The following PDE3B variants were observed in gnomAD, a reference collection of about 807,000 sequenced individuals.
The protein encoded by PDE3B is phosphodiesterase 3B.
PDE3B carries 66 observed loss-of-function variants against 116.8 expected under a neutral mutation model. The observed-to-expected ratio is 0.56, with a 90% CI of 0.46 to 0.69. The LOEUF is 0.69. Among genes scored for constraint, PDE3B ranks in the 30% least tolerant of loss-of-function variants. The pLI is 0.00. For missense variants in PDE3B, 1,384 were observed against 1,368.1 expected (o/e 1.01, Z -0.18); for synonymous variants, 595 against 533.6 (o/e 1.12, Z -1.59).
chr11:14,897,322 C>T, the PDE3B span, among the ~76,000 whole-genome samples: 1 of 152,170 alleles, frequency 6.6e-6, no homozygotes, highest in African/African-American at 2.4e-5. Context: ...AAGGAGGCCT[C>T]CTAGCCCTGG....
intron 1 of PDE3B, among the ~76,000 whole-genome samples, chr11:14,667,744 C>T (rs1382999943): frequency 1.3e-5 from 2 of 151,464 alleles, no homozygotes; most frequent in African/African-American, 4.8e-5. Flanking sequence ...TGCTAAATGA[C>T]AAGTTAATGG....
At chr11:14,746,564 G>A (rs1449505999) in intron 1 of PDE3B, among the ~76,000 whole-genome samples, 1 of 152,102 alleles carries the variant, frequency 6.6e-6, no homozygotes, top group Non-Finnish European at 1.5e-5. Flanking sequence ...CTAGTTACTA[G>A]ACTAGGATGT....
rs183523533 is a variant in PDE3B, at chr11:14,736,759, G to T, written c.979-35178G>T. 2.6e-3 allele frequency among the ~76,000 whole-genome samples: 390 copies of T among 152,300 alleles called. 1 individual carries two copies. Among genetic ancestry groups the T allele is most frequent in the African/African-American group, 8.1e-3 (338 of 41,560 alleles). ...ATACATGCCATTCTGATTTTCAGAA[G>T]GGAGAAATGAAGGTTCCACAAACAA... On this transcript the variant is annotated intron_variant, in intron 1 of 15. Coordinates refer to ENST00000282096, the MANE Select transcript of PDE3B (RefSeq NM_000922.4).
chr11:14,860,922 C>T lies in PDE3B; in HGVS notation c.2725-283C>T, dbSNP rs12290200. 0.012 allele frequency among the ~76,000 whole-genome samples: 516 copies of T among 41,866 alleles called. 4 individuals carry two copies. The Middle Eastern group carries it at 0.12, about 10-fold the overall frequency. 27.5% of individuals were successfully genotyped at this position (41,866 alleles called of 152,430 possible). ...TAATAAATACATATATATATATATACACACACACACACACATATAATTCAT... is the reference window on the plus strand; with the variant it reads ...TAATAAATACATATATATATATATATACACACACACACACATATAATTCAT... On this transcript the variant is annotated intron_variant, in intron 13 of 15. Transcript: ENST00000282096.
At chr11:14,675,445 G>A (rs981614752) in intron 1 of PDE3B, among the ~76,000 whole-genome samples, 3 of 151,846 alleles carry the variant, frequency 2.0e-5, no homozygotes, top group Non-Finnish European at 4.4e-5. Flanking sequence ...TTGAAGTTTT[G>A]ATGGTTATAT....
At chr11:14,872,217 G>A (rs538064669), downstream of PDE3B, among the ~76,000 whole-genome samples, 2 of 152,242 alleles carry the variant, frequency 1.3e-5, no homozygotes, top group African/African-American at 4.8e-5. Flanking sequence ...TCACAAAAGA[G>A]ATGAATAGAT....
chr11:14,818,100 C>T (rs1859388282), intron 5 of PDE3B, 83 bp from the exon 6 acceptor site: 2 of 919,242 alleles, frequency 2.2e-6, no homozygotes, highest in Non-Finnish European at 3.2e-6. Flanking sequence ...GGAAAAAATC[C>T]ATAAAAACAC....
At chr11:14,741,969 T>C (rs1451618741) in intron 1 of PDE3B, among the ~76,000 whole-genome samples, 2 of 152,170 alleles carry the variant, frequency 1.3e-5, no homozygotes, top group African/African-American at 4.8e-5. Context: ...GCTGTTAGTC[T>C]GATGGGCTTC....
chr11:14,814,076 TA>T (rs1859240512), intron 5 of PDE3B, among the ~76,000 whole-genome samples: 3 of 152,256 alleles, frequency 2.0e-5, no homozygotes, highest in South Asian at 2.1e-4. Context: ...ATAATTATGA[TA>T]AAAAATTATA....
At chr11:14,810,886 T>A (rs1477537948) in intron 5 of PDE3B, among the ~76,000 whole-genome samples, 8 of 147,526 alleles carry the variant, frequency 5.4e-5, no homozygotes, top group Non-Finnish European at 1.2e-4. Context: ...GGTATCTCAT[T>A]GTGGTTTTGA....
At chr11:14,833,462 C>T (rs1859961393) in intron 10 of PDE3B, among the ~76,000 whole-genome samples, 1 of 152,064 alleles carries the variant, frequency 6.6e-6, no homozygotes, top group Non-Finnish European at 1.5e-5. Flanking sequence ...ATACAGTATA[C>T]ATCTTTCTAT....
rs1854320027 is a variant in PDE3B, at chr11:14,670,091, A to T, written c.978+25038A>T. ...GCATAGTTATCTGGGTGATTTACACATAGCGGCTTAGTGCAAATAGTACAA... is the reference window on the plus strand; with the variant it reads ...GCATAGTTATCTGGGTGATTTACACTTAGCGGCTTAGTGCAAATAGTACAA... On this transcript the variant is annotated intron_variant, in intron 1 of 15. Transcript: ENST00000282096. Among the ~76,000 whole-genome samples, 3 of 152,152 alleles carry T rather than the reference A, an allele frequency of 2.0e-5. No individual in the cohort carries two copies. The South Asian group carries it at 6.2e-4, about 31-fold the overall frequency.
Position 14,869,662 on chromosome 11 carries a change from G to T in PDE3B, c.*2G>T. ...GAAGAGGCAGATGAAGAGGAATAGC[G>T]ACAGTTTGAGTAAAAGAAAAGTCAT... is the stretch of plus-strand genomic sequence containing the variant. On this transcript the variant is annotated 3_prime_UTR_variant, in exon 16 of 16. Transcript: ENST00000282096. 1 of 1,611,854 alleles carries T rather than the reference G, an allele frequency of 6.2e-7. No homozygotes were observed. The highest frequency in any genetic ancestry group is 1.1e-5 in the South Asian group (1 of 90,916).
intron 4 of PDE3B, among the ~76,000 whole-genome samples, chr11:14,797,897 C>T (rs1225526785): frequency 6.6e-6 from 1 of 152,166 alleles, no homozygotes; most frequent in Non-Finnish European, 1.5e-5. Flanking sequence ...TTGACTTCCT[C>T]TCCTCCTAAT....
intron 2 of PDE3B, among the ~76,000 whole-genome samples, chr11:14,785,415 C>T (rs1371827033): frequency 6.6e-6 from 1 of 151,998 alleles, no homozygotes; most frequent in African/African-American, 2.4e-5. Context: ...CATTATTTAG[C>T]TAGCTTGGTG....
At chr11:14,713,880 T>A (rs1296732454) in intron 1 of PDE3B, among the ~76,000 whole-genome samples, 1 of 152,136 alleles carries the variant, frequency 6.6e-6, no homozygotes, top group Admixed American at 6.5e-5. Context: ...AGAAAAACAC[T>A]ACAGGCAGAG....
At chr11:14,688,113 T>TCTCTCTCTCTCTC (rs1854931993) in intron 1 of PDE3B, among the ~76,000 whole-genome samples, 1 of 109,880 alleles carries the variant, frequency 9.1e-6, no homozygotes, top group African/African-American at 3.5e-5. Flanking sequence ...CTCTCTCTCT[T>TCTCTCTCTCTCTC]TCTCTCTCTC....
In PDE3B at chr11:14,644,786, C is replaced by T. The variant is rs376807459; in HGVS notation, c.711C>T (p.Leu237=). The change falls in exon 1 of 16, where the codon CTC becomes CTT. Residue 237 remains leucine (L), a synonymous_variant. Coordinates refer to ENST00000282096, the MANE Select transcript of PDE3B (RefSeq NM_000922.4). ...TCTGGTGGGTCTCCTTCACCAGCCT[C>T]GGGTCGCTGCCCTCCGCCCTCAGGC... ...SFVWWVSFTS[L]GSLPSALRPL... is the part of the protein sequence containing the mutation. 55 of 1,609,608 alleles carry T rather than the reference C, an allele frequency of 3.4e-5. No individual in the cohort carries two copies. The East Asian group carries it at 8.7e-4, about 25-fold the overall frequency.
chr11:14,850,888 G>A (rs754406217), intron 12 of PDE3B, among the ~76,000 whole-genome samples: 2 of 152,072 alleles, frequency 1.3e-5, no homozygotes, highest in Non-Finnish European at 2.9e-5. Flanking sequence ...GAGTGCAGTG[G>A]GGCATTCTCG....
Sources: gnomAD v4.1 joint callset for allele counts (sites outside exome capture counted in the v4.1 genomes callset) on GRCh38, gnomAD v4.1.1 for gene constraint, MANE v1.5 for transcripts, NCBI Gene and HGNC (gene_info 2026-07-23, HGNC 2026-07-21) for gene names.